POU2F1: variants seen among roughly 807,000 people sequenced by gnomAD.
POU2F1 encodes POU domain, class 2, transcription factor 1.
A neutral mutation model predicts 84.9 loss-of-function variants in POU2F1; 16 were observed. The observed-to-expected ratio is 0.19, with a 90% CI of 0.13 to 0.29. POU2F1 has a LOEUF of 0.29. Among genes scored for constraint, POU2F1 ranks in the 10% least tolerant of loss-of-function variants. The pLI, the probability that POU2F1 is intolerant of heterozygous loss-of-function variation, is 1.00. For missense variants in POU2F1, 738 were observed against 942.6 expected, an observed-to-expected ratio of 0.78 and a Z score of 2.84; for synonymous variants, 368 against 368.3, an observed-to-expected ratio of 1.00 and a Z score of 0.01.
chr1:167,405,679 C>T (rs147008987), intron 13 of POU2F1, among the ~76,000 whole-genome samples: 99 of 152,000 alleles, frequency 6.5e-4, no homozygotes, highest in Non-Finnish European at 1.3e-3. Flanking sequence ...AGAGCGAGAC[C>T]CTGTTTGGGG....
intron 1 of POU2F1, among the ~76,000 whole-genome samples, chr1:167,315,487 G>T (rs1655816653): frequency 6.6e-6 from 1 of 152,090 alleles, no homozygotes; most frequent in African/African-American, 2.4e-5. Flanking sequence ...AACAAACAGT[G>T]GGACATTGCT....
rs1659630362 is a variant in POU2F1 at position 167,365,481 on chromosome 1, G to A, written c.142G>A (p.Gly48Ser). Residue 48 changes from glycine to serine, a missense_variant, in exon 3 of 16, where the codon GGT becomes AGT. Around this residue, in one of 4 missense-constraint regions of POU2F1, gnomAD observed 161 missense variants for 147.0 expected, o/e 1.10. Coordinates refer to ENST00000367866, the MANE Select transcript of POU2F1 (RefSeq NM_002697.4). ...TTGCTTTCTAGGCACACAAACCAATGGTCTGGACTTTCAGAAGCAGCCTGT... is the reference window on the plus strand; with the variant it reads ...TTGCTTTCTAGGCACACAAACCAATAGTCTGGACTTTCAGAAGCAGCCTGT... Reference protein sequence around the residue: ...GDGNTGTQTNGLDFQKQPVPV... With the variant: ...GDGNTGTQTNSLDFQKQPVPV... The A allele has an allele frequency of 1.3e-5, 21 of 1,600,284 alleles. No individual in the cohort carries two copies. Among genetic ancestry groups the A allele is most frequent in the Non-Finnish European group, 1.8e-5 (21 of 1,174,234 alleles).
At chr1:167,399,968 CTTTTTTTTTTTTTT>C (rs67562017) in intron 12 of POU2F1, among the ~76,000 whole-genome samples, 4 of 61,424 alleles carry the variant, frequency 6.5e-5, no homozygotes, top group African/African-American at 2.1e-4. Flanking sequence ...CATTCCCAGT[CTTTTTTTTTTTTTT>C]TTTTTTTTTT....
Position 167,427,282 on chromosome 1 carries a change from T to A in POU2F1, c.*11472T>A, listed in dbSNP as rs1651017691. 1 of 152,198 alleles carries A rather than the reference T, an allele frequency of 6.6e-6. No homozygotes were observed. Among genetic ancestry groups the A allele is most frequent in the Admixed American group, 6.5e-5 (1 of 15,284 alleles). The allele number at this position is 152,198 out of a possible 1,614,324, so 9.4% of individuals were successfully genotyped here. On this transcript the variant is annotated 3_prime_UTR_variant, in exon 16 of 16. Coordinates refer to ENST00000367866, the MANE Select transcript of POU2F1 (RefSeq NM_002697.4). The stretch of plus-strand genomic sequence containing the variant: ...TTTTATATATATATTAAACTTACTG[T>A]AACTGTACAGTTCATTTCTGTTGTA...
At chr1:167,339,980 C>G (rs927805041) in intron 2 of POU2F1, among the ~76,000 whole-genome samples, 3 of 152,122 alleles carry the variant, frequency 2.0e-5, no homozygotes, top group Non-Finnish European at 2.9e-5. Context: ...TTATTTTTCT[C>G]TTTTTATAAA....
intron 1 of POU2F1, among the ~76,000 whole-genome samples, chr1:167,236,161 T>C (rs941082860): frequency 1.3e-5 from 2 of 152,030 alleles, no homozygotes; most frequent in African/African-American, 4.8e-5. Context: ...TGGAGTGCAG[T>C]GGTGTGATCT....
chr1:167,242,091 T>A (rs1166610363), intron 1 of POU2F1, among the ~76,000 whole-genome samples: 1 of 152,218 alleles, frequency 6.6e-6, no homozygotes, highest in Non-Finnish European at 1.5e-5. Context: ...CTAAGTTACC[T>A]GTTAGGTGCT....
intron 1 of POU2F1, among the ~76,000 whole-genome samples, chr1:167,321,341 G>C (rs914837961): frequency 1.3e-5 from 2 of 152,186 alleles, no homozygotes; most frequent in Non-Finnish European, 2.9e-5. Flanking sequence ...AATGCAAACT[G>C]TTCACAGTCC....
At position 167,418,676 on chromosome 1, in the gene POU2F1, A is replaced by G. The variant is rs1448082405; in HGVS notation, c.*2866A>G. On this transcript the variant is annotated 3_prime_UTR_variant, in exon 16 of 16. Coordinates refer to ENST00000367866, the MANE Select transcript of POU2F1 (RefSeq NM_002697.4). ...TTGGGTGGTTTTTTTTTCCCCACATATGGTTTAGAAAATGATCCCTTTCCC... is the reference window on the plus strand; with the variant it reads ...TTGGGTGGTTTTTTTTTCCCCACATGTGGTTTAGAAAATGATCCCTTTCCC... 1 of 152,116 alleles carries G rather than the reference A, an allele frequency of 6.6e-6. No homozygotes were observed. The highest frequency in any genetic ancestry group is 1.5e-5 in the Non-Finnish European group (1 of 68,008). The allele number at this position is 152,116 out of a possible 1,614,324, so 9.4% of individuals were successfully genotyped here. A position where few individuals can be genotyped will look rare whatever the true frequency, so the allele number is the denominator to read the frequency against.
intron 13 of POU2F1, among the ~76,000 whole-genome samples, chr1:167,406,487 G>A (rs1471070453): frequency 1.3e-5 from 2 of 152,082 alleles, no homozygotes; most frequent in Non-Finnish European, 1.5e-5. Flanking sequence ...TGCTCTTGTG[G>A]ACTTCTGATT....
chr1:167,283,707 G>A (rs1362816024), intron 1 of POU2F1, among the ~76,000 whole-genome samples: 1 of 152,152 alleles, frequency 6.6e-6, no homozygotes, highest in Non-Finnish European at 1.5e-5. Flanking sequence ...CACAAGAATG[G>A]TGTTCAAATT....
chr1:167,278,898 G>C (rs1652926679), intron 1 of POU2F1, among the ~76,000 whole-genome samples: 1 of 152,040 alleles, frequency 6.6e-6, no homozygotes, highest in Non-Finnish European at 1.5e-5. Flanking sequence ...TTGTGTCTTT[G>C]AGTATGATTC....
chr1:167,260,447 T>C (rs372170188), intron 1 of POU2F1, among the ~76,000 whole-genome samples: 2 of 152,218 alleles, frequency 1.3e-5, no homozygotes, highest in African/African-American at 4.8e-5. Context: ...AAGCTGTCTC[T>C]TCCAGATCTT....
intron 2 of POU2F1, among the ~76,000 whole-genome samples, chr1:167,345,245 C>T (rs983559643): frequency 1.3e-5 from 2 of 152,118 alleles, no homozygotes; most frequent in African/African-American, 4.8e-5. Context: ...GGTTTCAGAG[C>T]ACGTGGTGGC....
rs1255583831 is a variant in POU2F1, at chr1:167,426,832, A to T, written c.*11022A>T. 6.6e-6 allele frequency: 1 copy of T among 152,172 alleles called. No homozygotes were observed. The highest frequency in any genetic ancestry group is 1.5e-5 in the Non-Finnish European group (1 of 68,032). The allele number at this position is 152,172 out of a possible 1,614,324, so 9.4% of individuals were successfully genotyped here. A position where few individuals can be genotyped will look rare whatever the true frequency, so the allele number is the denominator to read the frequency against. On this transcript the variant is annotated 3_prime_UTR_variant, in exon 16 of 16. Coordinates refer to ENST00000367866, the MANE Select transcript of POU2F1 (RefSeq NM_002697.4). ...GGCAGTGACAATTCTGAGGTGGTTT[A>T]TTGGGAGTCCTTCTACATTTCTCTT...
chr1:167,310,471 T>C (rs745404148), intron 1 of POU2F1, among the ~76,000 whole-genome samples: 5 of 152,044 alleles, frequency 3.3e-5, no homozygotes, highest in Non-Finnish European at 7.4e-5. Flanking sequence ...AATGAATCTA[T>C]GGAGCTATGC....
chr1:167,235,062 A>G (rs1649348622), intron 1 of POU2F1, among the ~76,000 whole-genome samples: 1 of 152,122 alleles, frequency 6.6e-6, no homozygotes, highest in Non-Finnish European at 1.5e-5. Context: ...ACGGTTGATT[A>G]TTGTTTCTAA....
chr1:167,294,445 G>T (rs1044553201), intron 1 of POU2F1, among the ~76,000 whole-genome samples: 11 of 152,104 alleles, frequency 7.2e-5, no homozygotes, highest in Non-Finnish European at 1.2e-4. Flanking sequence ...AAAAACTTCT[G>T]CACAGCAAAA....
At chr1:167,239,854 A>T (rs182889246) in intron 1 of POU2F1, among the ~76,000 whole-genome samples, 121 of 152,340 alleles carry the variant, frequency 7.9e-4, no homozygotes, top group African/African-American at 2.8e-3. Context: ...AGAATGGTGG[A>T]GAGATTAAAG....
Sources: allele counts gnomAD v4.1 joint callset (sites outside exome capture counted in the v4.1 genomes callset), GRCh38; gene constraint gnomAD v4.1.1; regional missense constraint gnomAD v4.1.1; transcripts MANE v1.5; gene names NCBI Gene and HGNC (gene_info 2026-07-23, HGNC 2026-07-21).